Variants in INSR observed in about 807,000 individuals in gnomAD.
INSR encodes the protein IR.
In INSR, 67 loss-of-function variants were observed where a neutral mutation model predicts 142.6. That is an observed-to-expected ratio of 0.47 (90% CI 0.39 to 0.58). The LOEUF (loss-of-function observed/expected upper bound fraction) is 0.58, where lower values mean the gene tolerates loss of function less well. Ranked by LOEUF, INSR falls within the 20% of genes least tolerant of loss-of-function variation. The pLI is 0.00. For missense variants in INSR, 1,248 were observed against 1,833.2 expected (o/e 0.68, Z 5.83); for synonymous variants, 756 against 743.1 (o/e 1.02, Z -0.28).
intron 13 of INSR, among the ~76,000 whole-genome samples, chr19:7,140,573 A>C (rs1209627910): frequency 6.6e-6 from 1 of 152,176 alleles, no homozygotes; most frequent in African/African-American, 2.4e-5. Flanking sequence ...GCAGCAACTT[A>C]AACTCTGGAA....
intron 8 of INSR, among the ~76,000 whole-genome samples, chr19:7,164,092 T>TAAAAAAA (rs4031077): frequency 2.5e-5 from 2 of 80,274 alleles, no homozygotes; most frequent in Non-Finnish European, 2.3e-5. Flanking sequence ...GAAACTCCGT[T>TAAAAAAA]AAAAAAAAAA....
chr19:7,162,326 CAAAAAAAAAA>C, intron 9 of INSR, among the ~76,000 whole-genome samples: 1 of 63,100 alleles, frequency 1.6e-5, no homozygotes, highest in Non-Finnish European at 3.0e-5. Context: ...GACCCTGTCT[CAAAAAAAAAA>C]AAAAAAAAAA....
chr19:7,135,090 TA>T (rs5826960), intron 13 of INSR, among the ~76,000 whole-genome samples: 67 of 78,440 alleles, frequency 8.5e-4, no homozygotes, highest in African/African-American at 2.1e-3. Context: ...AAAGAAATGT[TA>T]AAAAAAAAAA....
Position 7,293,864 on chromosome 19 carries a change from C to T in INSR, c.28G>A (p.Ala10Thr). 2 of 1,241,824 alleles carry T rather than the reference C, an allele frequency of 1.6e-6. No homozygotes were observed. Among genetic ancestry groups the T allele is most frequent in the Non-Finnish European group, 2.0e-6 (2 of 999,300 alleles). The allele number at this position is 1,241,824 out of a possible 1,614,324, so 76.9% of individuals were successfully genotyped here. The change falls in exon 1 of 22, where the codon GCG becomes ACG. Residue 10 changes from alanine (A) to threonine (T), a missense_variant. Physicochemically the swap from Ala to Thr is moderately conservative, Grantham distance 58. Around this residue, in one of 3 missense-constraint regions of INSR, gnomAD observed 57 missense variants for 49.5 expected, o/e 1.15. Transcript: ENST00000302850. ...ACCGCCACCAGCAGCGGCGCGGCCG[C>T]CGCCCCCCGCCGGCCCCCGGTGGCC... MATGGRRGA[A>T]AAPLLVAVAA... is the part of the protein sequence containing the mutation.
intron 2 of INSR, among the ~76,000 whole-genome samples, chr19:7,266,538 G>A (rs779320181): frequency 5.9e-5 from 9 of 151,820 alleles, no homozygotes; most frequent in Admixed American, 2.0e-4. Context: ...GGCGTGCACC[G>A]CCACGCCCGG....
intron 9 of INSR, among the ~76,000 whole-genome samples, chr19:7,153,185 A>C (rs1263558559): frequency 5.0e-4 from 1 of 2,006 alleles, no homozygotes; most frequent in Admixed American, 6.3e-3. Context: ...CAAACACACA[A>C]CCACACACAC....
rs1555683194 is a variant in INSR at position 7,225,707 on chromosome 19, C to CT, written c.653-41071dup. On this transcript the variant is annotated intron_variant, in intron 2 of 21. Coordinates refer to ENST00000302850, the MANE Select transcript of INSR (RefSeq NM_000208.4). The surrounding 1 kb of genome is among the most constrained non-coding windows in gnomAD (Gnocchi z 4.7). The stretch of plus-strand genomic sequence containing the variant: ...GGCTCTTGGTTTCCATTTCCCCCCC[C>CT]TCAAAAAAAGAGCAGAGAATAATTG... 0.16 allele frequency among the ~76,000 whole-genome samples: 24,127 copies of CT among 150,246 alleles called. 2,044 individuals are homozygous for CT. Among genetic ancestry groups the CT allele is most frequent in the South Asian group, 0.27 (1,295 of 4,778 alleles).
chr19:7,164,640 A>G lies in INSR; in HGVS notation c.1862-1441T>C, dbSNP rs187038740. Reference sequence around the variant, plus strand: ...CGAGACCAGCCTGACCAACATGGAGAAACCTTGTCTCTACAAAAAAAAAAA... The same window carrying G: ...CGAGACCAGCCTGACCAACATGGAGGAACCTTGTCTCTACAAAAAAAAAAA... On this transcript the variant is annotated intron_variant, in intron 8 of 21. Coordinates refer to ENST00000302850, the MANE Select transcript of INSR (RefSeq NM_000208.4). Among the ~76,000 whole-genome samples the G allele has an allele frequency of 4.3e-3, 611 of 143,052 alleles. 4 individuals are homozygous for G. The Middle Eastern group carries it at 0.05, about 12-fold the overall frequency. The allele number at this position is 143,052 out of a possible 152,430, so 93.8% of individuals were successfully genotyped here.
intron 2 of INSR, among the ~76,000 whole-genome samples, chr19:7,242,734 C>CAAAAAAAAAAAAAAAAAAA (rs71177186): frequency 1.1e-5 from 1 of 92,154 alleles, no homozygotes; most frequent in Non-Finnish European, 1.9e-5. Flanking sequence ...GAGACTGCCT[C>CAAAAAAAAAAAAAAAAAAA]AAAAAAAAAA....
At chr19:7,248,136 T>TTTTTTAC (rs1976590755) in intron 2 of INSR, among the ~76,000 whole-genome samples, 1 of 151,176 alleles carries the variant, frequency 6.6e-6, no homozygotes, top group Non-Finnish European at 1.5e-5. Flanking sequence ...CCATCTTTTA[T>TTTTTTAC]TTTTTATTTT....
At chr19:7,130,431 G>C (rs1291223115) in intron 14 of INSR, among the ~76,000 whole-genome samples, 2 of 152,190 alleles carry the variant, frequency 1.3e-5, no homozygotes, top group African/African-American at 4.8e-5. Context: ...CCCACCCAAA[G>C]CTCTTGTTGA....
intron 11 of INSR, among the ~76,000 whole-genome samples, chr19:7,148,111 G>A (rs1253956030): frequency 2.0e-5 from 3 of 151,444 alleles, no homozygotes; most frequent in Admixed American, 6.6e-5. Flanking sequence ...ACGGGGTTTC[G>A]CCATGTTGCC....
intron 9 of INSR, among the ~76,000 whole-genome samples, chr19:7,153,803 C>T (rs760839545): frequency 2.0e-5 from 3 of 152,062 alleles, no homozygotes; most frequent in Non-Finnish European, 4.4e-5. Flanking sequence ...ATCACGTGAG[C>T]CCAGGAGTTC....
At chr19:7,158,394 G>A (rs184909390) in intron 9 of INSR, among the ~76,000 whole-genome samples, 21 of 152,142 alleles carry the variant, frequency 1.4e-4, no homozygotes, top group East Asian at 9.7e-4. Context: ...CCAGCTACTC[G>A]GGAGGCTGAC....
chr19:7,263,504 C>A (rs887317932), intron 2 of INSR, among the ~76,000 whole-genome samples: 2 of 152,136 alleles, frequency 1.3e-5, no homozygotes, highest in Non-Finnish European at 2.9e-5. Flanking sequence ...TTAGTCGCAC[C>A]TTCTCCGGGT....
intron 12 of INSR, 57 bp downstream of exon 12, chr19:7,142,759 C>T (rs1973101884): frequency 1.9e-6 from 3 of 1,598,886 alleles, no homozygotes; most frequent in East Asian, 2.2e-5. Flanking sequence ...AGAATCTGTC[C>T]TTGGTCAGCC....
intron 2 of INSR, among the ~76,000 whole-genome samples, chr19:7,203,698 A>C (rs2145053361): frequency 6.6e-6 from 1 of 152,190 alleles, no homozygotes; most frequent in Middle Eastern, 3.4e-3. Context: ...AATTTCCTCA[A>C]CTCCTGAAGG....
rs903047743 is a variant in INSR, at chr19:7,168,842, G to A, written c.1484-748C>T. ...TGGTCTCGAACTCCTGACCTCAAGTGATCTGCCTGCCTCGGCCTCCCAGAG... is the reference window on the plus strand; with the variant it reads ...TGGTCTCGAACTCCTGACCTCAAGTAATCTGCCTGCCTCGGCCTCCCAGAG... On this transcript the variant is annotated intron_variant, in intron 6 of 21. Transcript: ENST00000302850. The surrounding 1 kb of genome is among the most constrained non-coding windows in gnomAD (Gnocchi z 4.3). Among the ~76,000 whole-genome samples, 1 of 151,972 alleles carries A rather than the reference G, an allele frequency of 6.6e-6. No homozygotes were observed. The highest frequency in any genetic ancestry group is 2.4e-5 in the African/African-American group (1 of 41,352).
rs768344876 is a variant in INSR, at chr19:7,267,967, G to A, written c.101-71C>T. 4.3e-4 allele frequency: 557 copies of A among 1,304,498 alleles called. No homozygotes were observed. Among genetic ancestry groups the A allele is most frequent in the Middle Eastern group, 8.9e-4 (4 of 4,482 alleles). The allele number at this position is 1,304,498 out of a possible 1,614,324, so 80.8% of individuals were successfully genotyped here. Reference sequence around the variant, plus strand: ...CGGTGGATGCATCAGAAGGATCAGGGGCAGAGCCGGCTTCATGGACAGGAA... The same window carrying A: ...CGGTGGATGCATCAGAAGGATCAGGAGCAGAGCCGGCTTCATGGACAGGAA... On this transcript the variant is annotated intron_variant, in intron 1 of 21. Coordinates refer to ENST00000302850, the MANE Select transcript of INSR (RefSeq NM_000208.4). The surrounding 1 kb of genome is among the most constrained non-coding windows in gnomAD (Gnocchi z 6.3).
Sources: gnomAD v4.1 joint callset for allele counts (sites outside exome capture counted in the v4.1 genomes callset) on GRCh38, gnomAD v4.1.1 for gene constraint, gnomAD v4.1.1 regional missense constraint, Gnocchi (gnomAD v3.1) non-coding constraint, MANE v1.5 for transcripts, NCBI Gene and HGNC (gene_info 2026-07-23, HGNC 2026-07-21) for gene names.